Variants in C1QTNF3 observed in about 807,000 individuals in gnomAD.
C1QTNF3 encodes the protein C1q and TNF related 3.
A neutral mutation model predicts 32.6 loss-of-function variants in C1QTNF3; 26 were observed. That is an observed-to-expected ratio of 0.80 (90% CI 0.58 to 1.11). C1QTNF3 has a LOEUF of 1.11. Ranked by LOEUF, C1QTNF3 falls within the 50% of genes least tolerant of loss-of-function variation. The pLI, the probability that C1QTNF3 is intolerant of heterozygous loss-of-function variation, is 0.00. For synonymous variants in C1QTNF3, 155 were observed against 146.0 expected, an observed-to-expected ratio of 1.06 and a Z score of -0.44; for missense variants, 362 against 398.2, an observed-to-expected ratio of 0.91 and a Z score of 0.77.
chr5:34,142,361 G>A, the C1QTNF3 span, among the ~76,000 whole-genome samples: 5 of 151,920 alleles, frequency 3.3e-5, no homozygotes, highest in Non-Finnish European at 7.4e-5. Context: ...GAACCTGGGA[G>A]GCAGAGGTTG....
the C1QTNF3 span, among the ~76,000 whole-genome samples, chr5:34,073,320 C>T: frequency 6.7e-6 from 1 of 149,048 alleles, no homozygotes; most frequent in Non-Finnish European, 1.5e-5. Flanking sequence ...GAGCGAGACT[C>T]CGTCTCAAAA....
Position 34,020,509 on chromosome 5 carries a change from T to C in C1QTNF3, c.*74A>G, listed in dbSNP as rs1754298288. 2.0e-6 allele frequency: 3 copies of C among 1,529,226 alleles called. No individual in the cohort carries two copies. Among genetic ancestry groups the C allele is most frequent in the Admixed American group, 1.9e-5 (1 of 52,614 alleles). 94.7% of individuals were successfully genotyped at this position (1,529,226 alleles called of 1,614,324 possible). ...TACAGCAATGTAAAACCCTCAACTT[T>C]AATGTTCCTCAGATCGTAACAAATC... On this transcript the variant is annotated 3_prime_UTR_variant, in exon 6 of 6. Coordinates refer to ENST00000382065, the MANE Select transcript of C1QTNF3 (RefSeq NM_181435.6).
the C1QTNF3 span, among the ~76,000 whole-genome samples, chr5:34,110,904 T>C: frequency 0.68 from 103,897 of 151,954 alleles, 36,188 homozygotes; most frequent in African/African-American, 0.8. Context: ...AAATATTTGA[T>C]TTCTTTAGTA....
the C1QTNF3 span, among the ~76,000 whole-genome samples, chr5:34,122,505 TTG>T: frequency 5.3e-5 from 8 of 152,324 alleles, no homozygotes; most frequent in East Asian, 1.3e-3. Flanking sequence ...AATAGAATAT[TTG>T]GCTGAGGAAA....
chr5:34,125,018 C>T, the C1QTNF3 span, among the ~76,000 whole-genome samples: 3 of 152,068 alleles, frequency 2.0e-5, no homozygotes, highest in Admixed American at 6.5e-5. Flanking sequence ...TTTCTGACTC[C>T]AAGAGGTGAT....
chr5:34,050,333 C>T, the C1QTNF3 span, among the ~76,000 whole-genome samples: 2 of 152,224 alleles, frequency 1.3e-5, no homozygotes, highest in Non-Finnish European at 2.9e-5. Context: ...TCCTATTTTA[C>T]TCTCTCTTCA....
chr5:34,129,538 A>T, the C1QTNF3 span, among the ~76,000 whole-genome samples: 2 of 152,150 alleles, frequency 1.3e-5, no homozygotes, highest in Non-Finnish European at 2.9e-5. Context: ...AGTCATTCCA[A>T]ATTGGATGCA....
At chr5:34,105,139 G>C in the C1QTNF3 span, among the ~76,000 whole-genome samples, 1 of 152,188 alleles carries the variant, frequency 6.6e-6, no homozygotes, top group African/African-American at 2.4e-5. Context: ...TCAGAAGTAT[G>C]ATGACATGCA....
At chr5:34,114,613 T>C in the C1QTNF3 span, among the ~76,000 whole-genome samples, 3 of 152,154 alleles carry the variant, frequency 2.0e-5, no homozygotes, top group African/African-American at 7.2e-5. Flanking sequence ...TGACAGATCA[T>C]TTTACTTTTT....
the C1QTNF3 span, among the ~76,000 whole-genome samples, chr5:34,096,945 C>T: frequency 6.7e-6 from 1 of 150,224 alleles, no homozygotes; most frequent in South Asian, 2.1e-4. Context: ...CTCTGATATT[C>T]AGTAAATTTC....
At chr5:34,089,235 C>T in the C1QTNF3 span, among the ~76,000 whole-genome samples, 1 of 152,052 alleles carries the variant, frequency 6.6e-6, no homozygotes, top group Non-Finnish European at 1.5e-5. Context: ...AATCTAGATG[C>T]AAATGTTAAA....
chr5:34,031,991 CT>C (rs1053162889), intron 3 of C1QTNF3, among the ~76,000 whole-genome samples: 69 of 152,358 alleles, frequency 4.5e-4, no homozygotes, highest in African/African-American at 1.6e-3. Flanking sequence ...CAGTTTCCCC[CT>C]AATTGATCTT....
chr5:34,103,605 G>T, the C1QTNF3 span, among the ~76,000 whole-genome samples: 1 of 126,244 alleles, frequency 7.9e-6, no homozygotes, highest in Admixed American at 8.0e-5. Context: ...GTCACCTGAG[G>T]TCAGGTGTTT....
chr5:34,234,520 C>T, the C1QTNF3 span, among the ~76,000 whole-genome samples: 1,963 of 152,234 alleles, frequency 0.013, 49 homozygotes, highest in African/African-American at 0.045. Flanking sequence ...TGTTTCATGA[C>T]GTGCAGTTCT....
At chr5:34,169,322 T>C in the C1QTNF3 span, among the ~76,000 whole-genome samples, 575 of 152,198 alleles carry the variant, frequency 3.8e-3, 1 homozygote, top group African/African-American at 0.013. Context: ...TTTATTTATT[T>C]ACTTGAAAGT....
chr5:34,034,039 C>T (rs1446897006), intron 2 of C1QTNF3, among the ~76,000 whole-genome samples: 1 of 152,086 alleles, frequency 6.6e-6, no homozygotes, highest in East Asian at 1.9e-4. Context: ...TGGTGGTGCA[C>T]ACCTGTAGTC....
chr5:34,219,032 T>G, the C1QTNF3 span, among the ~76,000 whole-genome samples: 1 of 152,114 alleles, frequency 6.6e-6, no homozygotes, highest in African/African-American at 2.4e-5. Context: ...ATGAAGATGT[T>G]TTGCACACAG....
At chr5:34,136,691 C>G in the C1QTNF3 span, among the ~76,000 whole-genome samples, 1 of 142,640 alleles carries the variant, frequency 7.0e-6, no homozygotes, top group Admixed American at 7.0e-5. Context: ...TATAAAGACA[C>G]GTGCACACAT....
Position 34,028,829 on chromosome 5 carries a change from T to G in C1QTNF3, c.625A>C (p.Ile209Leu). The change falls in exon 4 of 6, where the codon ATC becomes CTC. Residue 209 changes from isoleucine to leucine, a missense_variant. Physicochemically the swap from Ile to Leu is conservative, Grantham distance 5 (BLOSUM62 2). Transcript: ENST00000382065. ...ATGTTGGTCTCAACACTGCTGAAGA[T>G]AATCCCACTGTTCTGATTGCTGAAG... Reference protein sequence around the residue: ...THFSNQNSGIIFSSVETNIGN... With the variant: ...THFSNQNSGILFSSVETNIGN... 1 of 1,613,686 alleles carries G rather than the reference T, an allele frequency of 6.2e-7. No individual in the cohort carries two copies. The highest frequency in any genetic ancestry group is 8.5e-7 in the Non-Finnish European group (1 of 1,179,706).
Sources: allele counts gnomAD v4.1 joint callset (sites outside exome capture counted in the v4.1 genomes callset), GRCh38; gene constraint gnomAD v4.1.1; transcripts MANE v1.5; gene names NCBI Gene and HGNC (gene_info 2026-07-23, HGNC 2026-07-21).